OR4E1: variants seen among roughly 807,000 people sequenced by gnomAD.
The protein encoded by OR4E1 is olfactory receptor family 4 subfamily E member 1, also known as olfactory receptor 4E1.
In OR4E1 at chr14:21,673,423, G is replaced by C. The variant is rs1485040685; in HGVS notation, c.-351C>G. On this transcript the variant is annotated 5_prime_UTR_variant, in exon 1 of 2. Transcript: ENST00000641792. ...CACAGTCAAGCCCGGGCAACATGGC[G>C]AAACCCCGTCTCTACAAAAAATACA... 1 of 151,262 alleles carries C rather than the reference G, an allele frequency of 6.6e-6. No individual in the cohort carries two copies. Among genetic ancestry groups the C allele is most frequent in the African/African-American group, 2.5e-5 (1 of 40,774 alleles). The allele number at this position is 151,262 out of a possible 1,614,324, so 9.4% of individuals were successfully genotyped here. A position where few individuals can be genotyped will look rare whatever the true frequency, so the allele number is the denominator to read the frequency against.
At chr14:21,672,754 T>C (rs1480173541) in intron 1 of OR4E1, among the ~76,000 whole-genome samples, 3 of 152,194 alleles carry the variant, frequency 2.0e-5, no homozygotes, top group Non-Finnish European at 2.9e-5. Flanking sequence ...CTAAACTTTT[T>C]CCATAATTAT....
In OR4E1 at chr14:21,669,747, A is replaced by G. The variant is rs1042392412; in HGVS notation, c.*241T>C. The G allele has an allele frequency of 3.6e-6, 1 of 275,782 alleles. No homozygotes were observed. Among genetic ancestry groups the G allele is most frequent in the Non-Finnish European group, 6.7e-6 (1 of 148,902 alleles). The allele number at this position is 275,782 out of a possible 1,614,324, so 17.1% of individuals were successfully genotyped here. ...TCCTCGAGCTTTAGTTTCTTCATGT[A>G]CAAACAAGCATCATAATATCTACCT... On this transcript the variant is annotated 3_prime_UTR_variant, in exon 2 of 2. Coordinates refer to ENST00000641792, the MANE Select transcript of OR4E1 (RefSeq NM_001317107.2).
rs570607607 is a variant in OR4E1 at position 21,668,620 on chromosome 14, A to G, written c.*1368T>C. On this transcript the variant is annotated 3_prime_UTR_variant, in exon 2 of 2. Coordinates refer to ENST00000641792, the MANE Select transcript of OR4E1 (RefSeq NM_001317107.2). Reference sequence around the variant, plus strand: ...GATTCACCACATTCCATTCTGCTACACTATGTGCCGCCACAGTGAGATTTA... The same window carrying G: ...GATTCACCACATTCCATTCTGCTACGCTATGTGCCGCCACAGTGAGATTTA... 1 of 152,274 alleles carries G rather than the reference A, an allele frequency of 6.6e-6. No homozygotes were observed. The highest frequency in any genetic ancestry group is 1.9e-4 in the East Asian group (1 of 5,184). 9.4% of individuals were successfully genotyped at this position (152,274 alleles called of 1,614,324 possible).
At position 21,669,829 on chromosome 14, in the gene OR4E1, A is replaced by AT; in HGVS notation, c.*158_*159insA. On this transcript the variant is annotated 3_prime_UTR_variant, in exon 2 of 2. Transcript: ENST00000641792. ...GTGCCTAGAATAATTTCCAGCACAG[A>AT]GAAGATATTAATAACCATAACGATT... 2.6e-6 allele frequency: 1 copy of AT among 387,440 alleles called. No individual in the cohort carries two copies. Among genetic ancestry groups the AT allele is most frequent in the Non-Finnish European group, 4.6e-6 (1 of 219,496 alleles). 24.0% of individuals were successfully genotyped at this position (387,440 alleles called of 1,614,324 possible).
Position 21,669,962 on chromosome 14 carries a change from C to T in OR4E1, c.*26G>A, listed in dbSNP as rs1297345000. On this transcript the variant is annotated 3_prime_UTR_variant, in exon 2 of 2. Transcript: ENST00000641792. ...AAGGCGCTTCTTTAATTTGGAGCAC[C>T]ACGTATCCTAAGGACGTAGACATTT... 5.0e-6 allele frequency: 2 copies of T among 398,210 alleles called. No individual in the cohort carries two copies. The highest frequency in any genetic ancestry group is 8.8e-5 in the Admixed American group (2 of 22,696). 24.7% of individuals were successfully genotyped at this position (398,210 alleles called of 1,614,324 possible).
In OR4E1 at chr14:21,668,525, T is replaced by A. The variant is rs1026794143; in HGVS notation, c.*1463A>T. 1 of 152,236 alleles carries A rather than the reference T, an allele frequency of 6.6e-6. No individual in the cohort carries two copies. Among genetic ancestry groups the A allele is most frequent in the African/African-American group, 2.4e-5 (1 of 41,464 alleles). 9.4% of individuals were successfully genotyped at this position (152,236 alleles called of 1,614,324 possible). ...GTGAGAACAAACTGATGATTTCCAATGTGTCATGCTCTTTTGTAAACATGA... is the reference window on the plus strand; with the variant it reads ...GTGAGAACAAACTGATGATTTCCAAAGTGTCATGCTCTTTTGTAAACATGA... On this transcript the variant is annotated 3_prime_UTR_variant, in exon 2 of 2. Transcript: ENST00000641792.
chr14:21,671,026 G>A, intron 1 of OR4E1, 74 bp from the exon 2 acceptor site: 1 of 397,740 alleles, frequency 2.5e-6, no homozygotes, highest in Non-Finnish European at 4.4e-6. Flanking sequence ...AATTTCTTGT[G>A]TGTTTATGCC....
rs12892066 is a variant in OR4E1 at position 21,667,935 on chromosome 14, A to T, written c.*2053T>A. ...GTTCTTTAAGACTCTCTATTTATTT[A>T]GTGAGTAATTAAATACATTTTTATC... On this transcript the variant is annotated 3_prime_UTR_variant, in exon 2 of 2. Transcript: ENST00000641792. 43,456 of 152,490 alleles carry T rather than the reference A, an allele frequency of 0.28. 6,679 individuals carry two copies. The highest frequency in any genetic ancestry group is 0.32 in the Non-Finnish European group (21,842 of 67,962). The allele number at this position is 152,490 out of a possible 1,614,324, so 9.4% of individuals were successfully genotyped here.
At position 21,673,489 on chromosome 14, in the gene OR4E1, G is replaced by C. The variant is rs1881061200; in HGVS notation, c.-417C>G. 1.3e-5 allele frequency: 2 copies of C among 151,270 alleles called. No individual in the cohort carries two copies. Among genetic ancestry groups the C allele is most frequent in the Non-Finnish European group, 2.9e-5 (2 of 67,934 alleles). 9.4% of individuals were successfully genotyped at this position (151,270 alleles called of 1,614,324 possible). A position where few individuals can be genotyped will look rare whatever the true frequency, so the allele number is the denominator to read the frequency against. Reference sequence around the variant, plus strand: ...ATGTTGGCTTATACCTGTGGTTCCAGCTGCTCAGGAGGCTGAGGCAGGAGG... The same window carrying C: ...ATGTTGGCTTATACCTGTGGTTCCACCTGCTCAGGAGGCTGAGGCAGGAGG... On this transcript the variant is annotated 5_prime_UTR_variant, in exon 1 of 2. Coordinates refer to ENST00000641792, the MANE Select transcript of OR4E1 (RefSeq NM_001317107.2).
chr14:21,669,714 A>G lies in OR4E1; in HGVS notation c.*274T>C, dbSNP rs2058939290. ...CTAGCTGAGTGACTTTGGGCATGTT[A>G]TTTACTCTCCTCGAGCTTTAGTTTC... On this transcript the variant is annotated 3_prime_UTR_variant, in exon 2 of 2. Coordinates refer to ENST00000641792, the MANE Select transcript of OR4E1 (RefSeq NM_001317107.2). 4.8e-6 allele frequency: 1 copy of G among 209,308 alleles called. No individual in the cohort carries two copies. 13.0% of individuals were successfully genotyped at this position (209,308 alleles called of 1,614,324 possible).
At chr14:21,672,781 T>G (rs1407709201) in intron 1 of OR4E1, among the ~76,000 whole-genome samples, 4 of 152,242 alleles carry the variant, frequency 2.6e-5, no homozygotes, top group African/African-American at 9.6e-5. Context: ...TTTCTATTTC[T>G]GTGGAGCCAC....
rs114374936 is a variant in OR4E1, at chr14:21,668,006, A to T, written c.*1982T>A. ...CTTTTTTCTGTAAAACGGAGACAAA[A>T]TGTTTTATTTTTACGTCCCCAGAGA... On this transcript the variant is annotated 3_prime_UTR_variant, in exon 2 of 2. Transcript: ENST00000641792. 6.6e-6 allele frequency: 1 copy of T among 152,568 alleles called. No homozygotes were observed. Among genetic ancestry groups the T allele is most frequent in the Non-Finnish European group, 1.5e-5 (1 of 68,032 alleles). The allele number at this position is 152,568 out of a possible 1,614,324, so 9.5% of individuals were successfully genotyped here. A position where few individuals can be genotyped will look rare whatever the true frequency, so the allele number is the denominator to read the frequency against.
intron 1 of OR4E1, among the ~76,000 whole-genome samples, chr14:21,671,618 C>T (rs112166643): frequency 6.6e-6 from 1 of 152,170 alleles, no homozygotes; most frequent in Admixed American, 6.5e-5. Flanking sequence ...CTCCACCCCT[C>T]AGCTGAGGGC....
rs1298624497 is a variant in OR4E1 at position 21,670,426 on chromosome 14, C to A, written c.510G>T (p.Leu170=). 5.0e-6 allele frequency: 2 copies of A among 399,746 alleles called. No individual in the cohort carries two copies. Among genetic ancestry groups the A allele is most frequent in the Middle Eastern group, 6.3e-4 (1 of 1,594 alleles). The allele number at this position is 399,746 out of a possible 1,614,324, so 24.8% of individuals were successfully genotyped here. A position where few individuals can be genotyped will look rare whatever the true frequency, so the allele number is the denominator to read the frequency against. The part of the protein sequence containing the change: ...SIALTSLTIK[L]PYCGPDEIDN... ...CAATCTCATCAGGACCACAGTAGGG[C>A]AGCTTGATGGTAAGGGAGGTGAGGG... Residue 170 remains leucine (L), a synonymous_variant, in exon 2 of 2, where the codon CTG becomes CTT. Transcript: ENST00000641792.
In OR4E1 at chr14:21,673,235, T is replaced by C. The variant is rs986594768; in HGVS notation, c.-163A>G. The C allele has an allele frequency of 1.3e-5, 2 of 152,162 alleles. No homozygotes were observed. The highest frequency in any genetic ancestry group is 2.9e-5 in the Non-Finnish European group (2 of 68,018). The allele number at this position is 152,162 out of a possible 1,614,324, so 9.4% of individuals were successfully genotyped here. A position where few individuals can be genotyped will look rare whatever the true frequency, so the allele number is the denominator to read the frequency against. ...TCAGGCTGTCTGTAAAAATCACACC[T>C]TTGTAGCTATATTATTATCATATTT... is the stretch of plus-strand genomic sequence containing the variant. On this transcript the variant is annotated 5_prime_UTR_variant, in exon 1 of 2. Coordinates refer to ENST00000641792, the MANE Select transcript of OR4E1 (RefSeq NM_001317107.2).
intron 1 of OR4E1, among the ~76,000 whole-genome samples, chr14:21,671,393 A>T (rs1359766543): frequency 1.3e-5 from 2 of 152,106 alleles, no homozygotes; most frequent in African/African-American, 4.8e-5. Flanking sequence ...AGTCCTGCAG[A>T]CTGCACTTTT....
intron 1 of OR4E1, among the ~76,000 whole-genome samples, chr14:21,672,023 T>C (rs1337375944): frequency 6.6e-6 from 1 of 152,172 alleles, no homozygotes; most frequent in Non-Finnish European, 1.5e-5. Context: ...ACCACTCTCA[T>C]CTGAATTTTT....
At position 21,673,300 on chromosome 14, in the gene OR4E1, C is replaced by T. The variant is rs967506693; in HGVS notation, c.-228G>A. ...ATATGTAATTCTGCACCAAGATTTTCTAGGATTGGTTTCCAGTTAACAGAA... is the reference window on the plus strand; with the variant it reads ...ATATGTAATTCTGCACCAAGATTTTTTAGGATTGGTTTCCAGTTAACAGAA... On this transcript the variant is annotated 5_prime_UTR_variant, in exon 1 of 2. Transcript: ENST00000641792. The T allele has an allele frequency of 2.0e-5, 3 of 152,094 alleles. No individual in the cohort carries two copies. The South Asian group carries it at 6.2e-4, about 32-fold the overall frequency. The allele number at this position is 152,094 out of a possible 1,614,324, so 9.4% of individuals were successfully genotyped here.
At position 21,670,267 on chromosome 14, in the gene OR4E1, T is replaced by C. The variant is rs887241966; in HGVS notation, c.669A>G (p.Ala223=). 4 of 398,776 alleles carry C rather than the reference T, an allele frequency of 1.0e-5. No homozygotes were observed. Among genetic ancestry groups the C allele is most frequent in the African/African-American group, 8.2e-5 (4 of 48,616 alleles). The allele number at this position is 398,776 out of a possible 1,614,324, so 24.7% of individuals were successfully genotyped here. A position where few individuals can be genotyped will look rare whatever the true frequency, so the allele number is the denominator to read the frequency against. ...VCFVVLVVSY[A]VILVSLRQQI... Reference sequence around the variant, plus strand: ...GCTGCCTCAGACTCACCAGGATGACTGCGTAGGACACCACCAGGACCACAA... The same window carrying C: ...GCTGCCTCAGACTCACCAGGATGACCGCGTAGGACACCACCAGGACCACAA... Residue 223 remains alanine, a synonymous_variant, in exon 2 of 2, where the codon GCA becomes GCG. Coordinates refer to ENST00000641792, the MANE Select transcript of OR4E1 (RefSeq NM_001317107.2).
Sources: allele counts gnomAD v4.1 joint callset (sites outside exome capture counted in the v4.1 genomes callset), GRCh38; gene constraint gnomAD v4.1.1; transcripts MANE v1.5; gene names NCBI Gene and HGNC (gene_info 2026-07-23, HGNC 2026-07-21).